The following USP8 variants were observed in gnomAD, a reference collection of about 807,000 sequenced individuals.
USP8 encodes ubiquitin specific peptidase 8.
A neutral mutation model predicts 130.0 loss-of-function variants in USP8; 27 were observed. That is an observed-to-expected ratio of 0.21 (90% CI 0.15 to 0.29). The LOEUF is 0.29. Among genes scored for constraint, USP8 ranks in the 10% least tolerant of loss-of-function variants. USP8 has a pLI of 1.00. For synonymous variants in USP8, 392 were observed against 444.1 expected, an observed-to-expected ratio of 0.88 and a Z score of 1.48; for missense variants, 1,029 against 1,312.2, an observed-to-expected ratio of 0.78 and a Z score of 3.33.
intron 3 of USP8, among the ~76,000 whole-genome samples, chr15:50,445,698 A>T (rs548591353): frequency 6.8e-6 from 1 of 148,040 alleles, no homozygotes; most frequent in East Asian, 2.0e-4. Flanking sequence ...AAAAATACGT[A>T]AAAAAAAAAT....
chr15:50,443,518 C>G (rs1259759803), intron 3 of USP8, among the ~76,000 whole-genome samples: 6 of 152,032 alleles, frequency 3.9e-5, no homozygotes, highest in African/African-American at 1.2e-4. Flanking sequence ...GAGTCTCACT[C>G]TGTCGCCCAG....
intron 6 of USP8, chr15:50,463,486 G>A (rs899344805): frequency 1.9e-4 from 29 of 152,150 alleles, no homozygotes; most frequent in African/African-American, 7.0e-4. Context: ...ATAATTATAG[G>A]TAACAGTAAA....
chr15:50,456,171 T>C (rs924245265), intron 4 of USP8, among the ~76,000 whole-genome samples: 5 of 152,206 alleles, frequency 3.3e-5, no homozygotes, highest in Admixed American at 3.3e-4. Context: ...GGCGAAAGGA[T>C]AGCATTTTTA....
chr15:50,493,990 T>C, intron 15 of USP8, 80 bp from the exon 16 acceptor site: 1 of 1,469,772 alleles, frequency 6.8e-7, no homozygotes, highest in South Asian at 1.1e-5. Flanking sequence ...TAATTTCATG[T>C]TGACATCAAG....
intron 4 of USP8, among the ~76,000 whole-genome samples, chr15:50,454,460 T>C (rs1377780805): frequency 2.6e-5 from 4 of 151,142 alleles, no homozygotes; most frequent in African/African-American, 4.9e-5. Context: ...CTTTTCTTTT[T>C]TTTTTTTTTC....
At chr15:50,441,068 T>G (rs1307874945) in intron 2 of USP8, among the ~76,000 whole-genome samples, 1 of 151,288 alleles carries the variant, frequency 6.6e-6, no homozygotes, top group East Asian at 1.9e-4. Context: ...GGGTTCGTGC[T>G]CCTATGGGAA....
At chr15:50,496,670 C>T (rs1444791755) in intron 17 of USP8, among the ~76,000 whole-genome samples, 1 of 152,084 alleles carries the variant, frequency 6.6e-6, no homozygotes, top group Non-Finnish European at 1.5e-5. Context: ...GGAAAGTTGT[C>T]TGTTGACTAA....
At chr15:50,447,560 C>G (rs867325451) in intron 3 of USP8, among the ~76,000 whole-genome samples, 1 of 149,510 alleles carries the variant, frequency 6.7e-6, no homozygotes, top group South Asian at 2.1e-4. Flanking sequence ...TTTTTTTTTT[C>G]TTTTCTTTTT....
At position 50,459,070 on chromosome 15, in the gene USP8, C is replaced by CA. The variant is rs2050889651; in HGVS notation, c.412dup (p.Arg138LysfsTer14). 1 of 1,613,722 alleles carries CA rather than the reference C, an allele frequency of 6.2e-7. No homozygotes were observed. The highest frequency in any genetic ancestry group is 1.3e-5 in the African/African-American group (1 of 74,976). ...GCAGGAGGAAGCACAGCGGCTACAA[C>CA]AAAAAAGGCAGGAAACAGGAAGAGA... On this transcript the variant is annotated frameshift_variant, in exon 5 of 20. Coordinates refer to ENST00000307179, the MANE Select transcript of USP8 (RefSeq NM_005154.5). LOFTEE classifies it high-confidence loss of function.
At chr15:50,431,163 C>CCTGTGTGTGTGTGTGTG in intron 1 of USP8, among the ~76,000 whole-genome samples, 2 of 10,772 alleles carry the variant, frequency 1.9e-4, no homozygotes, top group African/African-American at 1.0e-3. Context: ...GTGTGTGTGC[C>CCTGTGTGTGTGTGTGTG]TCTGTGTGTG....
At position 50,500,350 on chromosome 15, in the gene USP8, GATT is replaced by G. The variant is rs2052560982; in HGVS notation, c.*1265_*1267del. 6.5e-6 allele frequency: 1 copy of G among 154,762 alleles called. No individual in the cohort carries two copies. Among genetic ancestry groups the G allele is most frequent in the Non-Finnish European group, 1.4e-5 (1 of 71,118 alleles). 9.6% of individuals were successfully genotyped at this position (154,762 alleles called of 1,614,324 possible). On this transcript the variant is annotated 3_prime_UTR_variant, in exon 20 of 20. Transcript: ENST00000307179. Reference sequence around the variant, plus strand: ...GGAAAATAATTTGTTGAATATATATGATTATGAGATATTTTCTGATAAACACTG... The same window carrying G: ...GGAAAATAATTTGTTGAATATATATGATGAGATATTTTCTGATAAACACTG...
At position 50,451,385 on chromosome 15, in the gene USP8, T is replaced by C. The variant is rs551227042; in HGVS notation, c.335+1900T>C. 8.5e-5 allele frequency among the ~76,000 whole-genome samples: 13 copies of C among 152,294 alleles called. No homozygotes were observed. The South Asian group carries it at 2.5e-3, about 29-fold the overall frequency. On this transcript the variant is annotated intron_variant, in intron 4 of 19. Coordinates refer to ENST00000307179, the MANE Select transcript of USP8 (RefSeq NM_005154.5). Reference sequence around the variant, plus strand: ...GAGATCTTGCCACTGCACTCTAGCCTGGGCGACAGAGTGAGACTCTGTCTC... The same window carrying C: ...GAGATCTTGCCACTGCACTCTAGCCCGGGCGACAGAGTGAGACTCTGTCTC...
At chr15:50,480,336 C>T (rs557744728) in intron 10 of USP8, among the ~76,000 whole-genome samples, 26 of 152,262 alleles carry the variant, frequency 1.7e-4, no homozygotes, top group Non-Finnish European at 3.5e-4. Context: ...GGGAAGATTG[C>T]ATTTGTTCCC....
In USP8 at chr15:50,498,968, G is replaced by T. The variant is rs1339898179; in HGVS notation, c.3237G>T (p.Arg1079=). ...ATTGTAAAAATGCAGCAAGACAACG[G>T]TGGTTTAAGTTTGATGATCATGAAG... ...TAYCKNAARQ[R]WFKFDDHEVS... Residue 1079 remains arginine, a synonymous_variant, in exon 20 of 20, where the codon CGG becomes CGT. Transcript: ENST00000307179. The T allele has an allele frequency of 1.9e-6, 3 of 1,613,832 alleles. No homozygotes were observed. Among genetic ancestry groups the T allele is most frequent in the Non-Finnish European group, 2.5e-6 (3 of 1,179,878 alleles).
chr15:50,513,371 A>G lies in USP8; in HGVS notation c.*14283A>G, dbSNP rs1263815571. ...ATCATAGGCTAGTGAAATTATAACC[A>G]CATGCAACAATATGGATATATCTTT... On this transcript the variant is annotated 3_prime_UTR_variant, in exon 20 of 20. Transcript: ENST00000307179. 6.6e-6 allele frequency: 1 copy of G among 152,180 alleles called. No individual in the cohort carries two copies. The highest frequency in any genetic ancestry group is 1.9e-4 in the East Asian group (1 of 5,202). The allele number at this position is 152,180 out of a possible 1,614,324, so 9.4% of individuals were successfully genotyped here.
chr15:50,466,013 T>C (rs189050091), intron 7 of USP8, among the ~76,000 whole-genome samples: 2 of 152,318 alleles, frequency 1.3e-5, no homozygotes, highest in Admixed American at 1.3e-4. Context: ...TTTTTTTCTT[T>C]CTTTTTTGGT....
In USP8 at chr15:50,494,289, T is replaced by TTTGATTTTTCTAAG; in HGVS notation, c.2658+13_2658+26dup. On this transcript the variant is annotated intron_variant, in intron 16 of 19. Coordinates refer to ENST00000307179, the MANE Select transcript of USP8 (RefSeq NM_005154.5). The stretch of plus-strand genomic sequence containing the variant: ...ATGAAGATCTAAATAAAGTAAGAAA[T>TTTGATTTTTCTAAG]TTGATTTTTCTAAGTTGCAGAGACT... The TTTGATTTTTCTAAG allele has an allele frequency of 6.3e-7, 1 of 1,586,548 alleles. No individual in the cohort carries two copies. The highest frequency in any genetic ancestry group is 8.5e-7 in the Non-Finnish European group (1 of 1,170,026).
Position 50,484,362 on chromosome 15 carries a change from G to GT in USP8, c.1890+2dup. ...TACAGACGATACCGAAAGAAATAAA[G>GT]TAAGTAGTTTATTGCAGGAAAAAAC... On this transcript the variant is annotated splice_donor_variant, in intron 12 of 19. Transcript: ENST00000307179. LOFTEE classifies it high-confidence loss of function. The GT allele has an allele frequency of 6.2e-7, 1 of 1,606,558 alleles. No individual in the cohort carries two copies. The highest frequency in any genetic ancestry group is 8.5e-7 in the Non-Finnish European group (1 of 1,176,598).
chr15:50,495,640 C>T (rs1385674968), intron 16 of USP8, among the ~76,000 whole-genome samples: 1 of 152,084 alleles, frequency 6.6e-6, no homozygotes, highest in Admixed American at 6.6e-5. Context: ...GAAATTTCAA[C>T]AAGTCACATT....
Sources: gnomAD v4.1 joint callset for allele counts (sites outside exome capture counted in the v4.1 genomes callset) on GRCh38, gnomAD v4.1.1 for gene constraint, MANE v1.5 for transcripts, NCBI Gene and HGNC (gene_info 2026-07-23, HGNC 2026-07-21) for gene names.